The following LDLRAD3 variants were observed in gnomAD, a reference collection of about 807,000 sequenced individuals.
LDLRAD3 encodes the protein low density lipoprotein receptor class A domain containing 3.
LDLRAD3 carries 20 observed loss-of-function variants against 29.4 expected under a neutral mutation model. That is an observed-to-expected ratio of 0.68 (90% CI 0.48 to 0.99). LDLRAD3 has a LOEUF of 0.99. LDLRAD3 is among the 50% of genes least tolerant of loss of function. The probability of loss-of-function intolerance (pLI) is 0.00; values close to 1 mark genes in which losing one functional copy is unlikely to be tolerated. For missense variants in LDLRAD3, 420 were observed against 454.3 expected (o/e 0.92, Z 0.69); for synonymous variants, 157 against 192.7 (o/e 0.81, Z 1.53).
chr11:35,989,652 A>AT (rs1329155290), intron 1 of LDLRAD3, among the ~76,000 whole-genome samples: 1 of 151,898 alleles, frequency 6.6e-6, no homozygotes, highest in Non-Finnish European at 1.5e-5. Flanking sequence ...TTATTTGTTA[A>AT]TTTTTTGTGG....
At chr11:36,141,035 T>TCTCTCTCTCC (rs71044551) in intron 4 of LDLRAD3, among the ~76,000 whole-genome samples, 2 of 145,774 alleles carry the variant, frequency 1.4e-5, no homozygotes, top group East Asian at 4.0e-4. Flanking sequence ...TCTCTCTCTC[T>TCTCTCTCTCC]CCGTGTGGGG....
intron 4 of LDLRAD3, among the ~76,000 whole-genome samples, chr11:36,201,509 C>A (rs1295742440): frequency 6.6e-6 from 1 of 152,006 alleles, no homozygotes; most frequent in Non-Finnish European, 1.5e-5. Flanking sequence ...TTTGAAAGGA[C>A]AAAGTGTAAA....
At chr11:36,063,521 G>A (rs1210068982) in intron 2 of LDLRAD3, among the ~76,000 whole-genome samples, 5 of 152,114 alleles carry the variant, frequency 3.3e-5, no homozygotes, top group African/African-American at 1.2e-4. Context: ...GGCCTTTTGT[G>A]TCTAGCTTCT....
intron 4 of LDLRAD3, among the ~76,000 whole-genome samples, chr11:36,217,785 CTTGG>C (rs1326723235): frequency 6.6e-6 from 1 of 152,140 alleles, no homozygotes; most frequent in Admixed American, 6.5e-5. Flanking sequence ...TGTTCCTTGG[CTTGG>C]TTGGGGCTGC....
intron 4 of LDLRAD3, among the ~76,000 whole-genome samples, chr11:36,226,119 C>T (rs766329856): frequency 5.7e-4 from 87 of 151,812 alleles, no homozygotes; most frequent in Admixed American, 5.3e-4. Flanking sequence ...TTGTATGTAC[C>T]GAACACATGC....
At chr11:36,095,891 G>C (rs761878803) in intron 3 of LDLRAD3, among the ~76,000 whole-genome samples, 16 of 152,298 alleles carry the variant, frequency 1.1e-4, no homozygotes, top group Middle Eastern at 3.4e-3. Flanking sequence ...GAAGCTGAAG[G>C]CCACCACGGT....
At position 36,232,027 on chromosome 11, in the gene LDLRAD3, A is replaced by C. The variant is rs915700619; in HGVS notation, c.*2630A>C. Reference sequence around the variant, plus strand: ...AGTGGTTAATAGTGTGTGACGCTCAAAGTTAATGTAAACTGGAAAGGTTGT... The same window carrying C: ...AGTGGTTAATAGTGTGTGACGCTCACAGTTAATGTAAACTGGAAAGGTTGT... On this transcript the variant is annotated 3_prime_UTR_variant, in exon 6 of 6. Coordinates refer to ENST00000315571, the MANE Select transcript of LDLRAD3 (RefSeq NM_174902.4). 23 of 152,202 alleles carry C rather than the reference A, an allele frequency of 1.5e-4. No homozygotes were observed. The highest frequency in any genetic ancestry group is 5.5e-4 in the African/African-American group (23 of 41,444). 9.4% of individuals were successfully genotyped at this position (152,202 alleles called of 1,614,324 possible). A position where few individuals can be genotyped will look rare whatever the true frequency, so the allele number is the denominator to read the frequency against.
intron 4 of LDLRAD3, among the ~76,000 whole-genome samples, chr11:36,214,092 C>T (rs1161671244): frequency 6.6e-6 from 1 of 152,126 alleles, no homozygotes; most frequent in Non-Finnish European, 1.5e-5. Context: ...TCTTTTAAAC[C>T]AGAAGGCTGT....
intron 1 of LDLRAD3, among the ~76,000 whole-genome samples, chr11:35,979,579 A>T (rs1851515458): frequency 6.6e-6 from 1 of 152,094 alleles, no homozygotes; most frequent in Non-Finnish European, 1.5e-5. Flanking sequence ...AGGTTAGCGG[A>T]GCTTTAGACG....
intron 4 of LDLRAD3, among the ~76,000 whole-genome samples, chr11:36,107,917 A>G (rs995984183): frequency 1.3e-5 from 2 of 152,192 alleles, no homozygotes; most frequent in Non-Finnish European, 2.9e-5. Context: ...AATTTTGTTA[A>G]ATCTTAAAAT....
chr11:36,046,261 C>T lies in LDLRAD3; in HGVS notation c.193+10012C>T, dbSNP rs150096604. ...CCCCTGTACCAGCTCTGTTGCATGC[C>T]GCCATGCAAGACGTGGCTTTGCTTC... On this transcript the variant is annotated intron_variant, in intron 2 of 5. Transcript: ENST00000315571. Among the ~76,000 whole-genome samples the T allele has an allele frequency of 8.7e-3, 1,328 of 152,230 alleles. 22 individuals are homozygous for T. Among genetic ancestry groups the T allele is most frequent in the African/African-American group, 0.031 (1,273 of 41,532 alleles).
chr11:35,951,785 G>T (rs1851138439), intron 1 of LDLRAD3, among the ~76,000 whole-genome samples: 1 of 152,194 alleles, frequency 6.6e-6, no homozygotes, highest in African/African-American at 2.4e-5. Context: ...TTCAACCTGT[G>T]TAGTACCAGC....
intron 3 of LDLRAD3, among the ~76,000 whole-genome samples, chr11:36,097,840 G>T (rs1057103448): frequency 6.6e-6 from 1 of 150,976 alleles, no homozygotes; most frequent in Non-Finnish European, 1.5e-5. Flanking sequence ...AACAAAAATG[G>T]AAAAAAAAAT....
chr11:36,217,454 T>G (rs1267760405), intron 4 of LDLRAD3, among the ~76,000 whole-genome samples: 2 of 152,138 alleles, frequency 1.3e-5, no homozygotes, highest in East Asian at 3.9e-4. Context: ...TCCTCTTGGT[T>G]TCTCTACTAG....
At chr11:35,955,734 A>G (rs1425491642) in intron 1 of LDLRAD3, among the ~76,000 whole-genome samples, 1 of 152,248 alleles carries the variant, frequency 6.6e-6, no homozygotes, top group African/African-American at 2.4e-5. Flanking sequence ...AGGTTCTTCA[A>G]GTATAAAATT....
intron 1 of LDLRAD3, among the ~76,000 whole-genome samples, chr11:35,947,807 A>G (rs1055489798): frequency 1.4e-4 from 21 of 152,118 alleles, no homozygotes; most frequent in African/African-American, 4.6e-4. Flanking sequence ...TTCCTGCACC[A>G]TGCTTCCATG....
At chr11:35,950,953 C>G (rs531036135) in intron 1 of LDLRAD3, among the ~76,000 whole-genome samples, 35 of 151,976 alleles carry the variant, frequency 2.3e-4, no homozygotes, top group Non-Finnish European at 2.2e-4. Flanking sequence ...AGTGGTGGCA[C>G]GCACCTGTAA....
At position 36,179,055 on chromosome 11, in the gene LDLRAD3, C is replaced by T. The variant is rs114753391; in HGVS notation, c.455-48030C>T. Among the ~76,000 whole-genome samples the T allele has an allele frequency of 6.9e-3, 1,052 of 152,312 alleles. 21 individuals carry two copies. Among genetic ancestry groups the T allele is most frequent in the African/African-American group, 0.025 (1,030 of 41,572 alleles). On this transcript the variant is annotated intron_variant, in intron 4 of 5. Coordinates refer to ENST00000315571, the MANE Select transcript of LDLRAD3 (RefSeq NM_174902.4). Reference sequence around the variant, plus strand: ...GCAGGACCTGTCTCTGTAATTTAATCTTTTCCCTGACTTGAACAACAATGA... The same window carrying T: ...GCAGGACCTGTCTCTGTAATTTAATTTTTTCCCTGACTTGAACAACAATGA...
At chr11:36,198,407 A>G (rs1484383106) in intron 4 of LDLRAD3, among the ~76,000 whole-genome samples, 2 of 152,300 alleles carry the variant, frequency 1.3e-5, no homozygotes, top group Admixed American at 6.5e-5. Flanking sequence ...TCATCAACAT[A>G]AATGGCATCC....
Sources: gnomAD v4.1 joint callset for allele counts (sites outside exome capture counted in the v4.1 genomes callset) on GRCh38, gnomAD v4.1.1 for gene constraint, MANE v1.5 for transcripts, NCBI Gene and HGNC (gene_info 2026-07-23, HGNC 2026-07-21) for gene names.